The following HPSE2 variants were observed in gnomAD, a reference collection of about 807,000 sequenced individuals.
The protein encoded by HPSE2 is heparanase 2 (inactive), also known as inactive heparanase-2.
A neutral mutation model predicts 60.5 loss-of-function variants in HPSE2; 38 were observed. The ratio of observed to expected loss-of-function variants is 0.63; its 90% CI spans 0.48 to 0.82. The LOEUF is 0.82. Ranked by LOEUF, HPSE2 falls within the 40% of genes least tolerant of loss-of-function variation. HPSE2 has a pLI of 0.00. For synonymous variants in HPSE2, 295 were observed against 293.2 expected, an observed-to-expected ratio of 1.01 and a Z score of -0.06; for missense variants, 713 against 740.4, an observed-to-expected ratio of 0.96 and a Z score of 0.43.
At chr10:99,235,444 G>A in intron 1 of HPSE2, 69 bp downstream of exon 1, 1 of 1,369,900 alleles carries the variant, frequency 7.3e-7, no homozygotes, top group Non-Finnish European at 1.0e-6. Context: ...CTTTGGAATG[G>A]GGGATAGGAA....
intron 9 of HPSE2, among the ~76,000 whole-genome samples, chr10:98,526,558 T>C (rs978942478): frequency 6.6e-6 from 1 of 152,216 alleles, no homozygotes; most frequent in African/African-American, 2.4e-5. Context: ...TCAGGCAGCA[T>C]GGCATCTGCT....
intron 9 of HPSE2, among the ~76,000 whole-genome samples, chr10:98,568,018 A>G (rs1392890367): frequency 6.6e-6 from 1 of 152,204 alleles, no homozygotes; most frequent in African/African-American, 2.4e-5. Context: ...ACTGCTGGGA[A>G]GACCACATAG....
intron 3 of HPSE2, among the ~76,000 whole-genome samples, chr10:99,118,705 A>G (rs571955223): frequency 1.6e-4 from 25 of 152,024 alleles, no homozygotes; most frequent in African/African-American, 6.0e-4. Context: ...CCAGAGAAAC[A>G]GGCAAGAGAA....
intron 7 of HPSE2, among the ~76,000 whole-genome samples, chr10:98,623,022 C>A (rs1041966952): frequency 2.6e-5 from 4 of 151,988 alleles, no homozygotes; most frequent in African/African-American, 4.8e-5. Flanking sequence ...TTATAAGTAA[C>A]CAGAGCAGAG....
chr10:99,090,980 G>A (rs1359584436), intron 3 of HPSE2, among the ~76,000 whole-genome samples: 1 of 151,954 alleles, frequency 6.6e-6, no homozygotes, highest in Admixed American at 6.6e-5. Context: ...GTCCTGGCCT[G>A]CCTTCCACAG....
intron 3 of HPSE2, among the ~76,000 whole-genome samples, chr10:99,069,485 T>C (rs916890464): frequency 4.6e-5 from 7 of 151,664 alleles, no homozygotes; most frequent in Non-Finnish European, 1.0e-4. Flanking sequence ...TTTCAGGTTA[T>C]TACATCTATG....
chr10:99,117,512 C>G (rs749305892), intron 3 of HPSE2, among the ~76,000 whole-genome samples: 4 of 138,998 alleles, frequency 2.9e-5, no homozygotes, highest in Non-Finnish European at 4.7e-5. Flanking sequence ...AAATAAACAT[C>G]GTCAGAAACA....
intron 2 of HPSE2, among the ~76,000 whole-genome samples, chr10:99,211,721 A>C (rs1158384218): frequency 6.6e-6 from 1 of 152,210 alleles, no homozygotes; most frequent in African/African-American, 2.4e-5. Flanking sequence ...AAAATGGATT[A>C]AAGGGTTAAA....
In HPSE2 at chr10:99,235,542, G is replaced by C. The variant is rs1263807872; in HGVS notation, c.261C>G (p.Ile87Met). ...NFLSLQLDPS[I>M]IHDGWLDFLS... ...GGAAATCGAGCCAGCCATCATGAATGATGGACGGATCCAGCTGCAGAGAGA... is the reference window on the plus strand; with the variant it reads ...GGAAATCGAGCCAGCCATCATGAATCATGGACGGATCCAGCTGCAGAGAGA... Residue 87 changes from isoleucine (I) to methionine (M), a missense_variant, in exon 1 of 12, where the codon ATC (isoleucine) becomes ATG (methionine). Coordinates refer to ENST00000370552, the MANE Select transcript of HPSE2 (RefSeq NM_021828.5). 2 of 1,614,116 alleles carry C rather than the reference G, an allele frequency of 1.2e-6. No homozygotes were observed. The highest frequency in any genetic ancestry group is 1.1e-5 in the South Asian group (1 of 91,068).
intron 2 of HPSE2, among the ~76,000 whole-genome samples, chr10:99,229,519 C>CA (rs1849579605): frequency 6.6e-6 from 1 of 151,984 alleles, no homozygotes; most frequent in South Asian, 2.1e-4. Context: ...GTTGTGCAGT[C>CA]AAAAAAATAA....
At chr10:99,160,898 C>CAAAAAAAAA (rs60506210) in intron 2 of HPSE2, among the ~76,000 whole-genome samples, 1 of 55,442 alleles carries the variant, frequency 1.8e-5, no homozygotes, top group Non-Finnish European at 3.0e-5. Flanking sequence ...GACTCCGTCT[C>CAAAAAAAAA]AAAAAAAAAA....
chr10:99,270,595 T>C, the HPSE2 span, among the ~76,000 whole-genome samples: 1 of 152,148 alleles, frequency 6.6e-6, no homozygotes, highest in Admixed American at 6.6e-5. Context: ...ACTGACACTA[T>C]TCCACAAGAT....
chr10:99,220,248 T>C (rs999861187), intron 2 of HPSE2, among the ~76,000 whole-genome samples: 4 of 151,984 alleles, frequency 2.6e-5, no homozygotes, highest in Non-Finnish European at 2.9e-5. Context: ...AATATGATAC[T>C]ATAGCACAAA....
intron 3 of HPSE2, among the ~76,000 whole-genome samples, chr10:99,080,541 T>C (rs1181358008): frequency 6.6e-6 from 1 of 152,224 alleles, no homozygotes; most frequent in African/African-American, 2.4e-5. Context: ...TCACATTGTT[T>C]TACTTGGCAT....
At chr10:98,769,567 G>A (rs957783733) in intron 3 of HPSE2, among the ~76,000 whole-genome samples, 1 of 152,202 alleles carries the variant, frequency 6.6e-6, no homozygotes, top group Non-Finnish European at 1.5e-5. Context: ...GCTGTCCCAT[G>A]AGTGCGGGGT....
intron 11 of HPSE2, among the ~76,000 whole-genome samples, chr10:98,478,924 G>T (rs945036133): frequency 6.6e-6 from 1 of 152,122 alleles, no homozygotes; most frequent in African/African-American, 2.4e-5. Context: ...GAGTAGGGGG[G>T]TCTTACGATT....
intron 9 of HPSE2, among the ~76,000 whole-genome samples, chr10:98,581,167 T>C (rs1944788243): frequency 6.6e-6 from 1 of 151,930 alleles, no homozygotes; most frequent in Non-Finnish European, 1.5e-5. Flanking sequence ...CTTCCCAAAG[T>C]GTTGGGAATA....
At chr10:99,310,361 A>G in the HPSE2 span, among the ~76,000 whole-genome samples, 1 of 152,226 alleles carries the variant, frequency 6.6e-6, no homozygotes, top group East Asian at 1.9e-4. Flanking sequence ...ATATAAAAAC[A>G]TATTGAGTTG....
At chr10:98,675,947 G>T (rs1025278085) in intron 6 of HPSE2, among the ~76,000 whole-genome samples, 3 of 152,018 alleles carry the variant, frequency 2.0e-5, no homozygotes, top group African/African-American at 4.8e-5. Flanking sequence ...AGAGGCTGAG[G>T]GGGGAGGTTT....
Sources: allele counts gnomAD v4.1 joint callset (sites outside exome capture counted in the v4.1 genomes callset), GRCh38; gene constraint gnomAD v4.1.1; transcripts MANE v1.5; gene names NCBI Gene and HGNC (gene_info 2026-07-23, HGNC 2026-07-21).